Variants in AASS observed in about 807,000 individuals in gnomAD.
AASS encodes the protein alpha-aminoadipic semialdehyde synthase, mitochondrial.
Under a neutral mutation model 105.4 loss-of-function variants are expected in AASS, and 86 were observed. The observed-to-expected ratio is 0.82, with a 90% CI of 0.69 to 0.98. The LOEUF (loss-of-function observed/expected upper bound fraction) is 0.98. AASS is among the 50% of genes least tolerant of loss of function. The pLI, the probability that AASS is intolerant of heterozygous loss-of-function variation, is 0.00. For synonymous variants in AASS, 381 were observed against 394.8 expected (o/e 0.96, Z 0.41); for missense variants, 1,048 against 1,143.2 (o/e 0.92, Z 1.20).
intron 8 of AASS, among the ~76,000 whole-genome samples, chr7:122,116,160 C>T (rs1278258041): frequency 6.6e-6 from 1 of 152,064 alleles, no homozygotes; most frequent in Non-Finnish European, 1.5e-5. Flanking sequence ...ATAGCTTTTT[C>T]ATTCAGTGGG....
chr7:122,087,247 C>T (rs948633153), intron 18 of AASS, among the ~76,000 whole-genome samples: 3 of 152,092 alleles, frequency 2.0e-5, no homozygotes, highest in East Asian at 1.9e-4. Flanking sequence ...GGGTTCTGAA[C>T]GTGCCTTTGT....
chr7:122,092,978 G>A (rs1157428432), intron 16 of AASS, 27 bp from the exon 17 acceptor site: 2 of 1,612,418 alleles, frequency 1.2e-6, no homozygotes, highest in Non-Finnish European at 1.7e-6. Flanking sequence ...GAGGAAAAAG[G>A]AAAACTTGGA....
In AASS at chr7:122,079,621, T is replaced by C. The variant is rs756778858; in HGVS notation, c.2372A>G (p.Asn791Ser). Residue 791 changes from asparagine (N) to serine (S), a missense_variant, in exon 21 of 24, where the codon AAT (asparagine) becomes AGT (serine). Transcript: ENST00000417368. ...CCATTCAGCAGCCTCCAACTGGGTA[T>C]TGTCTCCTCCTAGTTTCTTAAGAAC... ...EAVLKKLGGD[N>S]TQLEAAEWLG... The C allele has an allele frequency of 6.2e-7, 1 of 1,613,896 alleles. No individual in the cohort carries two copies. Among genetic ancestry groups the C allele is most frequent in the Non-Finnish European group, 8.5e-7 (1 of 1,179,772 alleles).
chr7:122,102,672 T>C (rs1383379347), intron 11 of AASS, among the ~76,000 whole-genome samples: 1 of 152,072 alleles, frequency 6.6e-6, no homozygotes, highest in East Asian at 1.9e-4. Context: ...TCCAAAGGAC[T>C]GAAACCTAGA....
intron 6 of AASS, among the ~76,000 whole-genome samples, chr7:122,117,972 A>G (rs1795265404): frequency 6.6e-6 from 1 of 152,138 alleles, no homozygotes; most frequent in African/African-American, 2.4e-5. Context: ...TCTCTTTTAA[A>G]AAAAGAAAAA....
intron 9 of AASS, 119 bp downstream of exon 9, chr7:122,114,955 G>C: frequency 7.1e-7 from 1 of 1,403,746 alleles, no homozygotes; most frequent in Non-Finnish European, 1.0e-6. Flanking sequence ...AAGAGGTCAA[G>C]AAAGATAAGG....
At position 122,098,877 on chromosome 7, in the gene AASS, A is replaced by T; in HGVS notation, c.1407-11T>A. On this transcript the variant is annotated splice_polypyrimidine_tract_variant and intron_variant, in intron 13 of 23. Coordinates refer to ENST00000417368, the MANE Select transcript of AASS (RefSeq NM_005763.4). ...GACTGAGCACGTTCCCTATTTAAAA[A>T]AAAAAAAAAAAAAAAAAAAGGGAAG... 1 of 1,506,032 alleles carries T rather than the reference A, an allele frequency of 6.6e-7. No homozygotes were observed. Among genetic ancestry groups the T allele is most frequent in the Non-Finnish European group, 8.9e-7 (1 of 1,122,914 alleles). The allele number at this position is 1,506,032 out of a possible 1,614,324, so 93.3% of individuals were successfully genotyped here.
Position 122,108,912 on chromosome 7 carries a change from T to C in AASS, c.1278+4206A>G, listed in dbSNP as rs1794800085. Among the ~76,000 whole-genome samples the C allele has an allele frequency of 2.6e-5, 4 of 151,976 alleles. No individual in the cohort carries two copies. The South Asian group carries it at 8.3e-4, about 31-fold the overall frequency. ...ACGAAATCTTATATATAGAAAACCC[T>C]AAAGACTCCATCAAAACACTGTTGG... is the stretch of plus-strand genomic sequence containing the variant. On this transcript the variant is annotated intron_variant, in intron 11 of 23. Transcript: ENST00000417368.
At chr7:122,078,322 A>C (rs1793130373) in intron 22 of AASS, among the ~76,000 whole-genome samples, 1 of 152,152 alleles carries the variant, frequency 6.6e-6, no homozygotes, top group South Asian at 2.1e-4. Flanking sequence ...GCATTAAAAA[A>C]AAAAAGTAAT....
chr7:122,137,386 C>A (rs1796195098), intron 1 of AASS, among the ~76,000 whole-genome samples: 1 of 152,148 alleles, frequency 6.6e-6, no homozygotes, highest in Non-Finnish European at 1.5e-5. Context: ...CTGTTAACTC[C>A]AGCCAACTCT....
intron 2 of AASS, 121 bp from the exon 3 acceptor site, chr7:122,129,658 G>T (rs1010392643): frequency 1.6e-5 from 14 of 870,920 alleles, no homozygotes; most frequent in Non-Finnish European, 1.8e-5. Context: ...GTATGAATTA[G>T]AACAAATAAT....
intron 1 of AASS, among the ~76,000 whole-genome samples, chr7:122,139,703 A>T (rs1487596490): frequency 6.6e-6 from 1 of 152,190 alleles, no homozygotes; most frequent in African/African-American, 2.4e-5. Flanking sequence ...TATGCCTATA[A>T]TGCCAGCACT....
At chr7:122,107,844 A>G (rs1794736157) in intron 11 of AASS, among the ~76,000 whole-genome samples, 1 of 151,852 alleles carries the variant, frequency 6.6e-6, no homozygotes, top group Admixed American at 6.6e-5. Flanking sequence ...TCGTGACACA[A>G]GTTTACCTAT....
intron 15 of AASS, among the ~76,000 whole-genome samples, chr7:122,095,068 A>G (rs1467210252): frequency 6.6e-6 from 1 of 152,140 alleles, no homozygotes; most frequent in Non-Finnish European, 1.5e-5. Context: ...CTTCCTCTGC[A>G]TGCATCCAGT....
intron 4 of AASS, among the ~76,000 whole-genome samples, chr7:122,125,560 G>A (rs1020404560): frequency 1.3e-5 from 2 of 152,140 alleles, no homozygotes; most frequent in African/African-American, 4.8e-5. Context: ...GAGACCTCAC[G>A]TTCTGTATTC....
intron 8 of AASS, among the ~76,000 whole-genome samples, chr7:122,115,678 T>A (rs1046536283): frequency 1.3e-5 from 2 of 152,110 alleles, no homozygotes; most frequent in Non-Finnish European, 2.9e-5. Flanking sequence ...TTAAATCGGA[T>A]AACATCTGTA....
rs999574030 is a variant in AASS at position 122,126,590 on chromosome 7, C to T, written c.388-131G>A. ...CACCTTAACTTGCTAACAGAAGCTACCATCAGGTATACCATGAAATATTTA... is the reference window on the plus strand; with the variant it reads ...CACCTTAACTTGCTAACAGAAGCTATCATCAGGTATACCATGAAATATTTA... On this transcript the variant is annotated intron_variant, in intron 3 of 23. Transcript: ENST00000417368. 3.9e-6 allele frequency: 3 copies of T among 772,220 alleles called. 1 individual carries two copies. The East Asian group carries it at 7.8e-5, about 20-fold the overall frequency. The allele number at this position is 772,220 out of a possible 1,614,324, so 47.8% of individuals were successfully genotyped here. A position where few individuals can be genotyped will look rare whatever the true frequency, so the allele number is the denominator to read the frequency against.
intron 6 of AASS, among the ~76,000 whole-genome samples, chr7:122,117,491 T>C (rs1161412865): frequency 2.6e-5 from 4 of 152,094 alleles, no homozygotes; most frequent in Admixed American, 6.5e-5. Flanking sequence ...TAACATCTTG[T>C]TTGCAAAACT....
At chr7:122,080,422 C>T (rs900504061) in intron 20 of AASS, among the ~76,000 whole-genome samples, 13 of 152,200 alleles carry the variant, frequency 8.5e-5, no homozygotes, top group Middle Eastern at 3.4e-3. Flanking sequence ...AAGTCTAAAA[C>T]CTTTATAATC....
Sources: allele counts gnomAD v4.1 joint callset (sites outside exome capture counted in the v4.1 genomes callset), GRCh38; gene constraint gnomAD v4.1.1; transcripts MANE v1.5; gene names NCBI Gene and HGNC (gene_info 2026-07-23, HGNC 2026-07-21).